Variants in PAX5 observed in about 807,000 individuals in gnomAD.
PAX5 encodes the protein paired box 5.
Under a neutral mutation model 43.7 loss-of-function variants are expected in PAX5, and 9 were observed. That is an observed-to-expected ratio of 0.21 (90% confidence interval 0.12 to 0.36). PAX5 has a LOEUF of 0.36. PAX5 is among the 10% of genes least tolerant of loss of function. PAX5 has a pLI of 1.00. For synonymous variants in PAX5, 228 were observed against 214.3 expected, an observed-to-expected ratio of 1.06 and a Z score of -0.56; for missense variants, 383 against 532.7, an observed-to-expected ratio of 0.72 and a Z score of 2.77.
chr9:37,005,130 C>T (rs1838282626), intron 4 of PAX5, among the ~76,000 whole-genome samples: 1 of 152,188 alleles, frequency 6.6e-6, no homozygotes, highest in Non-Finnish European at 1.5e-5. Context: ...AAATCTCAGC[C>T]ACAAACATTC....
chr9:36,835,105 T>C lies in PAX5; in HGVS notation c.*5455A>G, dbSNP rs1821551911. On this transcript the variant is annotated 3_prime_UTR_variant, in exon 10 of 10. Coordinates refer to ENST00000358127, the MANE Select transcript of PAX5 (RefSeq NM_016734.3). Reference sequence around the variant, plus strand: ...TTGTCCCTCAGTAGATATTAATAGGTAAGCAGCTGCATTTTCTCCTTGTGT... The same window carrying C: ...TTGTCCCTCAGTAGATATTAATAGGCAAGCAGCTGCATTTTCTCCTTGTGT... 4.3e-6 allele frequency: 1 copy of C among 233,198 alleles called. No homozygotes were observed. Among genetic ancestry groups the C allele is most frequent in the African/African-American group, 2.2e-5 (1 of 45,334 alleles). The allele number at this position is 233,198 out of a possible 1,614,324, so 14.4% of individuals were successfully genotyped here.
intron 3 of PAX5, among the ~76,000 whole-genome samples, chr9:37,009,328 G>A (rs1225992192): frequency 6.6e-6 from 1 of 152,130 alleles, no homozygotes; most frequent in East Asian, 1.9e-4. Context: ...CTATGCCTCA[G>A]TCTCTTCATC....
At chr9:37,002,055 T>TC (rs553292637) in intron 5 of PAX5, among the ~76,000 whole-genome samples, 2 of 150,706 alleles carry the variant, frequency 1.3e-5, no homozygotes, top group East Asian at 2.0e-4. Flanking sequence ...ATCTTTGTAA[T>TC]CCCCCCCAAC....
At chr9:36,946,197 C>T in intron 6 of PAX5, among the ~76,000 whole-genome samples, 1 of 152,172 alleles carries the variant, frequency 6.6e-6, no homozygotes, top group East Asian at 1.9e-4. Flanking sequence ...GGATGCAGTG[C>T]TCCATCAGGA....
intron 6 of PAX5, among the ~76,000 whole-genome samples, chr9:36,954,117 C>G (rs1402453145): frequency 6.6e-6 from 1 of 152,008 alleles, no homozygotes; most frequent in African/African-American, 2.4e-5. Flanking sequence ...AAGTCTGAGT[C>G]TGATTTTGAT....
Position 36,923,336 on chromosome 9 carries a change from A to G in PAX5, c.910+19T>C. ...TCTCTCTCTCCCTCACTCATCCCCC[A>G]TGCCCCAGGTGCCCTCACCTGTCAC... is the stretch of plus-strand genomic sequence containing the variant. On this transcript the variant is annotated intron_variant, in intron 7 of 9. Transcript: ENST00000358127. 6.2e-7 allele frequency: 1 copy of G among 1,604,892 alleles called. No individual in the cohort carries two copies. The highest frequency in any genetic ancestry group is 8.5e-7 in the Non-Finnish European group (1 of 1,175,344).
intron 1 of PAX5, among the ~76,000 whole-genome samples, chr9:37,023,798 G>T (rs1193656494): frequency 6.6e-6 from 1 of 152,212 alleles, no homozygotes; most frequent in Non-Finnish European, 1.5e-5. Flanking sequence ...GCACCAGAAA[G>T]AATGAAGGGG....
At chr9:36,915,851 C>T (rs1829693517) in intron 7 of PAX5, among the ~76,000 whole-genome samples, 1 of 152,076 alleles carries the variant, frequency 6.6e-6, no homozygotes, top group Admixed American at 6.6e-5. Context: ...GTGAGAGAAT[C>T]ACTTGAGCCC....
intron 6 of PAX5, among the ~76,000 whole-genome samples, chr9:36,934,651 G>A (rs1831397173): frequency 6.6e-6 from 1 of 152,236 alleles, no homozygotes. Flanking sequence ...TACAAAGGAT[G>A]TTGAAGGGCC....
intron 3 of PAX5, among the ~76,000 whole-genome samples, chr9:37,013,987 G>A (rs1488166297): frequency 6.6e-6 from 1 of 152,074 alleles, no homozygotes; most frequent in Non-Finnish European, 1.5e-5. Flanking sequence ...GGTCTCCTAC[G>A]CCCACACAAG....
chr9:36,957,338 G>T (rs980892674), intron 6 of PAX5, among the ~76,000 whole-genome samples: 1 of 152,214 alleles, frequency 6.6e-6, no homozygotes, highest in Non-Finnish European at 1.5e-5. Flanking sequence ...TCTAAGGGGT[G>T]CTTAAGTTAA....
intron 7 of PAX5, among the ~76,000 whole-genome samples, chr9:36,889,940 A>AC (rs1554657836): frequency 2.6e-4 from 21 of 82,290 alleles, no homozygotes; most frequent in Admixed American, 9.2e-4. Context: ...ATGTACACTA[A>AC]CGGGGGGGGG....
chr9:36,966,530 C>T lies in PAX5; in HGVS notation c.780+19G>A, dbSNP rs768200783. On this transcript the variant is annotated intron_variant, in intron 6 of 9. Coordinates refer to ENST00000358127, the MANE Select transcript of PAX5 (RefSeq NM_016734.3). ...GTGTGGCGGTGGCAGGTGTGGTGGG[C>T]GTGCATCACGAGGCGTACCTGCTCG... 5.0e-6 allele frequency: 8 copies of T among 1,604,090 alleles called. No individual in the cohort carries two copies. Among genetic ancestry groups the T allele is most frequent in the Admixed American group, 1.7e-5 (1 of 59,686 alleles).
intron 5 of PAX5, among the ~76,000 whole-genome samples, chr9:36,972,153 C>T (rs1156809045): frequency 6.6e-6 from 1 of 152,222 alleles, no homozygotes. Context: ...GGAAAAGAGG[C>T]TAGAGCCGCC....
At chr9:36,915,892 G>A (rs1007842049) in intron 7 of PAX5, among the ~76,000 whole-genome samples, 4 of 151,696 alleles carry the variant, frequency 2.6e-5, no homozygotes, top group African/African-American at 9.7e-5. Context: ...GGCAACATAG[G>A]GAGACCCTGT....
intron 7 of PAX5, among the ~76,000 whole-genome samples, chr9:36,906,496 T>G (rs1430749315): frequency 1.3e-5 from 2 of 152,212 alleles, no homozygotes; most frequent in Non-Finnish European, 2.9e-5. Flanking sequence ...ACCCCAGGGC[T>G]TCCAGAAGGA....
chr9:36,976,567 A>C (rs1835447002), intron 5 of PAX5, among the ~76,000 whole-genome samples: 1 of 152,178 alleles, frequency 6.6e-6, no homozygotes, highest in African/African-American at 2.4e-5. Flanking sequence ...AACAAAAACA[A>C]ATGTTCTGAG....
chr9:36,951,618 A>G (rs904115171), intron 6 of PAX5, among the ~76,000 whole-genome samples: 11 of 152,236 alleles, frequency 7.2e-5, no homozygotes, highest in Admixed American at 3.3e-4. Flanking sequence ...TAGGTTAATT[A>G]CTAAAAACAC....
At position 36,838,629 on chromosome 9, in the gene PAX5, C is replaced by T. The variant is rs1475215390; in HGVS notation, c.*1931G>A. Reference sequence around the variant, plus strand: ...GGTCTTTTTCCAGGCTCTTCTGATTCCCGCCCCTCCGAGTGTTCTTGTTTC... The same window carrying T: ...GGTCTTTTTCCAGGCTCTTCTGATTTCCGCCCCTCCGAGTGTTCTTGTTTC... On this transcript the variant is annotated 3_prime_UTR_variant, in exon 10 of 10. Coordinates refer to ENST00000358127, the MANE Select transcript of PAX5 (RefSeq NM_016734.3). The T allele has an allele frequency of 1.3e-5, 3 of 233,052 alleles. No homozygotes were observed. The highest frequency in any genetic ancestry group is 2.5e-3 in the Middle Eastern group (2 of 808). 14.4% of individuals were successfully genotyped at this position (233,052 alleles called of 1,614,324 possible).
Sources: allele counts gnomAD v4.1 joint callset (sites outside exome capture counted in the v4.1 genomes callset), GRCh38; gene constraint gnomAD v4.1.1; transcripts MANE v1.5; gene names NCBI Gene and HGNC (gene_info 2026-07-23, HGNC 2026-07-21).